Variants in SPON1 observed in about 807,000 individuals in gnomAD.
SPON1 encodes the protein spondin-1.
In SPON1, 52 loss-of-function variants were observed where a neutral mutation model predicts 111.7. That is an observed-to-expected ratio of 0.47 (90% CI 0.37 to 0.59). SPON1 has a LOEUF of 0.59. Among genes scored for constraint, SPON1 ranks in the 20% least tolerant of loss-of-function variants. The probability of loss-of-function intolerance (pLI) is 0.00; values close to 1 mark genes in which losing one functional copy is unlikely to be tolerated. For missense variants in SPON1, 957 were observed against 1,068.5 expected (o/e 0.90, Z 1.46); for synonymous variants, 410 against 395.8 (o/e 1.04, Z -0.43).
At chr11:14,218,288 C>T (rs1253301357) in intron 6 of SPON1, among the ~76,000 whole-genome samples, 2 of 152,232 alleles carry the variant, frequency 1.3e-5, no homozygotes, top group East Asian at 1.9e-4. Context: ...CCTCCCCTAG[C>T]GGGTCTGCAT....
At chr11:14,217,996 C>T (rs556315369) in intron 6 of SPON1, among the ~76,000 whole-genome samples, 2 of 152,244 alleles carry the variant, frequency 1.3e-5, no homozygotes, top group South Asian at 4.2e-4. Flanking sequence ...AGGGCTCAGC[C>T]GTCTGTTTTA....
At position 14,243,232 on chromosome 11, in the gene SPON1, CA is replaced by C; in HGVS notation, c.826-99del. The C allele has an allele frequency of 5.3e-6, 6 of 1,128,346 alleles. 1 individual carries two copies. In the Middle Eastern group the frequency reaches 7.2e-4, roughly 136 times the overall value. 69.9% of individuals were successfully genotyped at this position (1,128,346 alleles called of 1,614,324 possible). A position where few individuals can be genotyped will look rare whatever the true frequency, so the allele number is the denominator to read the frequency against. ...ACCCAGGCAGGAAAAGCCCCAACAGCAGGTGAGGGAGTGGGGGTGAATGGTG... is the reference window on the plus strand; with the variant it reads ...ACCCAGGCAGGAAAAGCCCCAACAGCGGTGAGGGAGTGGGGGTGAATGGTG... On this transcript the variant is annotated intron_variant, in intron 6 of 15. Transcript: ENST00000576479.
chr11:14,214,007 A>G (rs182763420), intron 6 of SPON1, among the ~76,000 whole-genome samples: 2 of 152,318 alleles, frequency 1.3e-5, no homozygotes, highest in East Asian at 1.9e-4. Flanking sequence ...CAGGTCACCT[A>G]TGGTTACTTT....
chr11:14,162,622 G>A (rs528467050), intron 6 of SPON1, among the ~76,000 whole-genome samples: 1 of 152,252 alleles, frequency 6.6e-6, no homozygotes, highest in African/African-American at 2.4e-5. Context: ...ATTATTTTCA[G>A]CAACTTGCCT....
chr11:13,984,351 A>G (rs1848166077), intron 2 of SPON1, among the ~76,000 whole-genome samples: 1 of 152,144 alleles, frequency 6.6e-6, no homozygotes, highest in Non-Finnish European at 1.5e-5. Flanking sequence ...AAAACACCTG[A>G]CACTAGATAA....
intron 6 of SPON1, among the ~76,000 whole-genome samples, chr11:14,160,443 T>TTA (rs1476975665): frequency 0.016 from 259 of 16,706 alleles, 56 homozygotes; most frequent in African/African-American, 0.077. Flanking sequence ...ATATATATAT[T>TTA]TATATATATA....
At chr11:14,092,261 T>C (rs1477144588) in intron 5 of SPON1, among the ~76,000 whole-genome samples, 3 of 152,202 alleles carry the variant, frequency 2.0e-5, no homozygotes, top group Non-Finnish European at 4.4e-5. Context: ...CCATGCTCAG[T>C]GCCAGAGTTA....
rs552061512 is a variant in SPON1, at chr11:14,037,173, C to T, written c.346-4348C>T. Among the ~76,000 whole-genome samples, 131 of 151,964 alleles carry T rather than the reference C, an allele frequency of 8.6e-4. No homozygotes were observed. The South Asian group carries it at 0.019, about 22-fold the overall frequency. ...ATGTGCACAATGTGCAGGTTTGTTA[C>T]ATATGTATACATATGCCATGTTGGT... is the stretch of plus-strand genomic sequence containing the variant. On this transcript the variant is annotated intron_variant, in intron 2 of 15. Transcript: ENST00000576479.
At chr11:13,976,083 CT>C (rs1201722676) in intron 1 of SPON1, among the ~76,000 whole-genome samples, 3 of 152,154 alleles carry the variant, frequency 2.0e-5, no homozygotes, top group African/African-American at 7.2e-5. Flanking sequence ...TCATCAACCT[CT>C]TTTTAAAAAT....
chr11:14,073,534 CCT>C (rs1848893802), intron 3 of SPON1, among the ~76,000 whole-genome samples: 1 of 152,286 alleles, frequency 6.6e-6, no homozygotes, highest in South Asian at 2.1e-4. Flanking sequence ...ATGCCCTCTC[CCT>C]GTCTCCTCCC....
intron 10 of SPON1, 123 bp from the exon 11 acceptor site, chr11:14,257,593 C>T (rs1849123379): frequency 1.2e-6 from 1 of 838,034 alleles, no homozygotes; most frequent in South Asian, 2.2e-5. Flanking sequence ...CAGGAGCACC[C>T]AGGCTCACTG....
intron 3 of SPON1, among the ~76,000 whole-genome samples, chr11:14,045,218 A>G (rs1260643611): frequency 1.3e-5 from 2 of 152,140 alleles, no homozygotes; most frequent in African/African-American, 4.8e-5. Flanking sequence ...ATTCATAAAG[A>G]TTGTGTGAAT....
chr11:14,152,611 G>T (rs1317779596), intron 6 of SPON1, among the ~76,000 whole-genome samples: 2 of 152,186 alleles, frequency 1.3e-5, no homozygotes, highest in Non-Finnish European at 2.9e-5. Context: ...CAGAAGGGAA[G>T]ACTATTTGCT....
intron 6 of SPON1, among the ~76,000 whole-genome samples, chr11:14,172,563 T>A (rs1293638930): frequency 4.6e-5 from 7 of 151,916 alleles, no homozygotes; most frequent in South Asian, 4.2e-4. Context: ...TTTGCTCATT[T>A]GTTGATGCAG....
intron 6 of SPON1, among the ~76,000 whole-genome samples, chr11:14,147,358 A>C (rs1554929435): frequency 6.6e-6 from 1 of 151,844 alleles, no homozygotes; most frequent in Non-Finnish European, 1.5e-5. Context: ...AACCTAGAAC[A>C]AAGCTTCTTC....
chr11:14,039,410 G>A (rs1385337887), intron 2 of SPON1, among the ~76,000 whole-genome samples: 2 of 152,152 alleles, frequency 1.3e-5, no homozygotes, highest in Non-Finnish European at 2.9e-5. Context: ...TGTTGATAGT[G>A]AGGGAGACTG....
intron 5 of SPON1, among the ~76,000 whole-genome samples, chr11:14,106,246 A>G (rs533791709): frequency 1.1e-3 from 168 of 152,324 alleles, no homozygotes; most frequent in Non-Finnish European, 2.0e-3. Flanking sequence ...TGATTCCAAG[A>G]AATGCATACT....
chr11:14,125,528 A>G (rs1174163020), intron 5 of SPON1, among the ~76,000 whole-genome samples: 5 of 152,240 alleles, frequency 3.3e-5, no homozygotes, highest in South Asian at 2.1e-4. Context: ...GCTGAAAAGT[A>G]CTATGGGTGA....
chr11:14,021,162 G>A (rs11821149), intron 2 of SPON1, among the ~76,000 whole-genome samples: 2,637 of 152,104 alleles, frequency 0.017, 88 homozygotes, highest in African/African-American at 0.061. Context: ...TTTAAAACAA[G>A]GCATTTAATG....
Sources: gnomAD v4.1 joint callset for allele counts (sites outside exome capture counted in the v4.1 genomes callset) on GRCh38, gnomAD v4.1.1 for gene constraint, MANE v1.5 for transcripts, NCBI Gene and HGNC (gene_info 2026-07-23, HGNC 2026-07-21) for gene names.